Variants in TRMT11 observed in about 807,000 individuals in gnomAD.
TRMT11 encodes tRNA methyltransferase 11, also known as tRNA (guanine(10)-N(2))-methyltransferase TRMT11.
TRMT11 carries 53 observed loss-of-function variants against 62.8 expected under a neutral mutation model. The ratio of observed to expected loss-of-function variants is 0.84; its 90% confidence interval spans 0.68 to 1.06. The LOEUF (loss-of-function observed/expected upper bound fraction) is 1.06. Ranked by LOEUF, TRMT11 falls within the 50% of genes least tolerant of loss-of-function variation. The pLI is 0.00. For synonymous variants in TRMT11, 188 were observed against 190.3 expected (o/e 0.99, Z 0.10); for missense variants, 556 against 553.4 (o/e 1.00, Z -0.05).
chr6:126,016,979 T>C (rs984609814), intron 11 of TRMT11, among the ~76,000 whole-genome samples: 3 of 152,198 alleles, frequency 2.0e-5, no homozygotes, highest in Admixed American at 6.5e-5. Flanking sequence ...CTTTACTCTT[T>C]TGAAAATTCT....
the TRMT11 span, among the ~76,000 whole-genome samples, chr6:126,223,720 G>A: frequency 1.3e-5 from 2 of 152,194 alleles, no homozygotes; most frequent in African/African-American, 4.8e-5. Context: ...GCAAGGTTGT[G>A]TAAATTTTTA....
At chr6:126,031,580 T>G (rs373560362) in intron 12 of TRMT11, among the ~76,000 whole-genome samples, 13 of 152,094 alleles carry the variant, frequency 8.5e-5, no homozygotes, top group African/African-American at 2.9e-4. Context: ...AGCCAAAAAT[T>G]TAAGCAAGAT....
At position 126,093,606 on chromosome 6, in the gene TRMT11, TATATATATATATA is replaced by T. The variant is rs1202291897; in HGVS notation, c.*1438-19259_*1438-19247del. On this transcript the variant is annotated intron_variant and NMD_transcript_variant, in intron 17 of 22. Coordinates refer to the TRMT11 transcript ENST00000648977. ...GTATGTATATATATATATATATATA[TATATATATATATA>T]TATATATATATATTTTCCCCCAGTC... Among the ~76,000 whole-genome samples, 169 of 89,314 alleles carry T rather than the reference TATATATATATATA, an allele frequency of 1.9e-3. 2 individuals carry two copies. Among genetic ancestry groups the T allele is most frequent in the East Asian group, 6.7e-3 (25 of 3,744 alleles). 58.6% of individuals were successfully genotyped at this position (89,314 alleles called of 152,430 possible).
intron 16 of TRMT11, among the ~76,000 whole-genome samples, chr6:126,047,246 CA>C (rs1440627661): frequency 6.6e-6 from 1 of 151,570 alleles, no homozygotes; most frequent in Non-Finnish European, 1.5e-5. Context: ...TTTTTGTGCC[CA>C]AATGTTGCCT....
intron 1 of TRMT11, among the ~76,000 whole-genome samples, chr6:126,194,425 C>T (rs1259215787): frequency 1.3e-5 from 2 of 152,134 alleles, no homozygotes; most frequent in Non-Finnish European, 2.9e-5. Flanking sequence ...ACAATTATTT[C>T]TTTATGAAGT....
At chr6:126,239,304 G>A in the TRMT11 span, among the ~76,000 whole-genome samples, 10 of 152,174 alleles carry the variant, frequency 6.6e-5, no homozygotes, top group East Asian at 1.5e-3. Context: ...TCCTAGCCTC[G>A]ATGGTCTTTA....
the TRMT11 span, among the ~76,000 whole-genome samples, chr6:126,220,775 T>G: frequency 6.6e-6 from 1 of 152,152 alleles, no homozygotes; most frequent in Non-Finnish European, 1.5e-5. Context: ...TTTCCAACTT[T>G]TAGGTTCAGG....
At chr6:126,089,477 T>C (rs924933937) in intron 17 of TRMT11, among the ~76,000 whole-genome samples, 1 of 152,178 alleles carries the variant, frequency 6.6e-6, no homozygotes, top group African/African-American at 2.4e-5. Context: ...ACACCTGTTA[T>C]ACACACAAGG....
chr6:126,174,303 A>C (rs895995273), upstream of TRMT11, among the ~76,000 whole-genome samples: 2 of 152,228 alleles, frequency 1.3e-5, no homozygotes, highest in Non-Finnish European at 2.9e-5. Flanking sequence ...GTCTTATTTC[A>C]GACACATCTA....
At chr6:125,996,121 C>A in intron 3 of TRMT11, 81 bp downstream of exon 3, 2 of 974,716 alleles carry the variant, frequency 2.1e-6, no homozygotes, top group Non-Finnish European at 1.6e-6. Flanking sequence ...CTATATTGGG[C>A]AGTGTGAAGG....
intron 21 of TRMT11, among the ~76,000 whole-genome samples, chr6:126,142,822 A>G (rs1202711516): frequency 1.3e-5 from 2 of 152,108 alleles, no homozygotes; most frequent in East Asian, 3.9e-4. Flanking sequence ...CTCAGAAAAT[A>G]TCTGACCTTG....
upstream of TRMT11, among the ~76,000 whole-genome samples, chr6:126,172,730 G>T (rs1478986946): frequency 1.3e-5 from 2 of 152,092 alleles, no homozygotes; most frequent in African/African-American, 4.8e-5. Context: ...ATTCTTTCAT[G>T]GTTCTAGGCA....
chr6:126,097,506 T>C (rs941236301), intron 17 of TRMT11, among the ~76,000 whole-genome samples: 1 of 152,184 alleles, frequency 6.6e-6, no homozygotes, highest in Non-Finnish European at 1.5e-5. Context: ...AGGGCAATAG[T>C]ATATAGTGGT....
At chr6:126,119,595 C>T (rs1002261207) in intron 21 of TRMT11, among the ~76,000 whole-genome samples, 1 of 151,694 alleles carries the variant, frequency 6.6e-6, no homozygotes, top group Admixed American at 6.6e-5. Flanking sequence ...ACCAATGGAC[C>T]GGTGTGAGTC....
chr6:126,052,173 C>G (rs139593528), intron 16 of TRMT11, among the ~76,000 whole-genome samples: 1 of 152,278 alleles, frequency 6.6e-6, no homozygotes, highest in African/African-American at 2.4e-5. Context: ...TCTGCCCAAA[C>G]TGGATGGGTG....
chr6:126,137,689 T>G (rs1477618329), intron 21 of TRMT11, among the ~76,000 whole-genome samples: 1 of 151,900 alleles, frequency 6.6e-6, no homozygotes, highest in Admixed American at 6.6e-5. Flanking sequence ...GCAGTAGTAT[T>G]TGCAATAGCC....
At chr6:126,108,374 T>C (rs1777487474) in intron 17 of TRMT11, among the ~76,000 whole-genome samples, 1 of 152,244 alleles carries the variant, frequency 6.6e-6, no homozygotes, top group African/African-American at 2.4e-5. Context: ...TGCCAACTTA[T>C]TTATGAAGTT....
At chr6:126,139,680 T>A (rs1246151870) in intron 21 of TRMT11, among the ~76,000 whole-genome samples, 1 of 152,108 alleles carries the variant, frequency 6.6e-6, no homozygotes, top group African/African-American at 2.4e-5. Context: ...ATGTAACAAA[T>A]ATTTATGGCC....
chr6:126,072,290 A>T (rs960822999), intron 17 of TRMT11, among the ~76,000 whole-genome samples: 2 of 152,184 alleles, frequency 1.3e-5, no homozygotes, highest in African/African-American at 4.8e-5. Context: ...CATAGAACAC[A>T]TGCTTCTGAG....
Sources: gnomAD v4.1 joint callset for allele counts (sites outside exome capture counted in the v4.1 genomes callset) on GRCh38, gnomAD v4.1.1 for gene constraint, MANE v1.5 for transcripts, NCBI Gene and HGNC (gene_info 2026-07-23, HGNC 2026-07-21) for gene names.